SGK3: variants seen among roughly 807,000 people sequenced by gnomAD.
SGK3 encodes the protein serine/threonine-protein kinase Sgk3.
Under a neutral mutation model 68.5 loss-of-function variants are expected in SGK3, and 47 were observed. The ratio of observed to expected loss-of-function variants is 0.69; its 90% confidence interval spans 0.54 to 0.87. The LOEUF (loss-of-function observed/expected upper bound fraction) is 0.87. SGK3 is among the 40% of genes least tolerant of loss of function. The pLI, the probability that SGK3 is intolerant of heterozygous loss-of-function variation, is 0.00. For missense variants in SGK3, 479 were observed against 575.5 expected (o/e 0.83, Z 1.72); for synonymous variants, 181 against 189.1 (o/e 0.96, Z 0.35).
At chr8:66,762,815 A>G (rs1441257594) in intron 1 of SGK3, among the ~76,000 whole-genome samples, 3 of 152,232 alleles carry the variant, frequency 2.0e-5, no homozygotes, top group African/African-American at 4.8e-5. Flanking sequence ...TCTCCCACTA[A>G]AGTTTACTGA....
At chr8:66,835,690 G>A (rs1053855390) in intron 8 of SGK3, 73 bp from the exon 9 acceptor site, 9 of 1,465,008 alleles carry the variant, frequency 6.1e-6, no homozygotes, top group Non-Finnish European at 8.3e-6. Context: ...AAGTATTGAT[G>A]TGTTGACAAG....
intron 1 of SGK3, among the ~76,000 whole-genome samples, chr8:66,752,980 T>G (rs555966475): frequency 3.4e-4 from 51 of 152,064 alleles, no homozygotes; most frequent in African/African-American, 1.2e-3. Flanking sequence ...CCTCCCAGAG[T>G]GTTGGGATTA....
At chr8:66,767,495 A>G (rs1487272165) in intron 1 of SGK3, 1 of 1,505,948 alleles carries the variant, frequency 6.6e-7, no homozygotes, top group Non-Finnish European at 9.2e-7. Context: ...CATGGTGGAG[A>G]GGGCATCTTC....
At chr8:66,784,029 C>A (rs533195797) in intron 1 of SGK3, among the ~76,000 whole-genome samples, 2 of 152,182 alleles carry the variant, frequency 1.3e-5, no homozygotes, top group South Asian at 4.1e-4. Context: ...TCTCAAGTAG[C>A]CAGGACTACA....
chr8:66,742,091 G>A (rs1442758880), intron 1 of SGK3, among the ~76,000 whole-genome samples: 1 of 152,174 alleles, frequency 6.6e-6, no homozygotes, highest in Non-Finnish European at 1.5e-5. Context: ...AAGAGCCCCA[G>A]ATGCTTAAAA....
At chr8:66,811,830 T>G (rs1808393038) in intron 4 of SGK3, among the ~76,000 whole-genome samples, 2 of 152,260 alleles carry the variant, frequency 1.3e-5, no homozygotes, top group South Asian at 2.1e-4. Flanking sequence ...GTTACTAAAT[T>G]CAGTTCTCGA....
At chr8:66,713,451 T>G (rs1438420086) in intron 1 of SGK3, among the ~76,000 whole-genome samples, 3 of 152,208 alleles carry the variant, frequency 2.0e-5, no homozygotes, top group Non-Finnish European at 4.4e-5. Flanking sequence ...CTTAAAACGC[T>G]TTCATTGAGT....
chr8:66,725,834 A>G (rs11776708), intron 1 of SGK3, among the ~76,000 whole-genome samples: 9,517 of 152,164 alleles, frequency 0.063, 366 homozygotes, highest in Middle Eastern at 0.12. Context: ...TGGAAGAACC[A>G]TTTAATTGAA....
intron 1 of SGK3, among the ~76,000 whole-genome samples, chr8:66,759,135 G>T (rs2130454654): frequency 1.4e-5 from 2 of 146,216 alleles, no homozygotes; most frequent in South Asian, 4.3e-4. Flanking sequence ...TCCCAGGCTG[G>T]AGTGCAGTAG....
intron 4 of SGK3, among the ~76,000 whole-genome samples, chr8:66,810,937 G>A (rs1056097716): frequency 1.8e-4 from 28 of 152,052 alleles, no homozygotes; most frequent in African/African-American, 6.0e-4. Flanking sequence ...AATGATCTCT[G>A]CCTGTACTTT....
At chr8:66,789,939 A>G (rs550480003) in intron 1 of SGK3, among the ~76,000 whole-genome samples, 2 of 152,196 alleles carry the variant, frequency 1.3e-5, no homozygotes, top group Non-Finnish European at 2.9e-5. Flanking sequence ...TTAGCCAGGC[A>G]TGGTAGCACA....
At chr8:66,842,491 A>G (rs1226931774) in intron 13 of SGK3, among the ~76,000 whole-genome samples, 1 of 151,986 alleles carries the variant, frequency 6.6e-6, no homozygotes, top group African/African-American at 2.4e-5. Flanking sequence ...ATATTTTGCC[A>G]TTTCTTTAGA....
At position 66,726,801 on chromosome 8, in the gene SGK3, T is replaced by TAAAAAAAAAAAAAAAAAAAAAAAAAA. The variant is rs560794837; in HGVS notation, c.-122+13990_-122+13991insAAAAAAAAAAAAAAAAAAAAAAAAAA. 1.3e-3 allele frequency among the ~76,000 whole-genome samples: 107 copies of TAAAAAAAAAAAAAAAAAAAAAAAAAA among 80,908 alleles called. 1 individual carries two copies. The highest frequency in any genetic ancestry group is 6.3e-3 in the Middle Eastern group (1 of 158). 53.1% of individuals were successfully genotyped at this position (80,908 alleles called of 152,430 possible). A position where few individuals can be genotyped will look rare whatever the true frequency, so the allele number is the denominator to read the frequency against. ...GAATGACAGAGCAAGACCCTGTCTG[T>TAAAAAAAAAAAAAAAAAAAAAAAAAA]AAAAAAAAAAAAAAAAAAAAAAGAT... On this transcript the variant is annotated intron_variant, in intron 1 of 16. Coordinates refer to ENST00000521198, the MANE Select transcript of SGK3 (RefSeq NM_001033578.3).
intron 8 of SGK3, 106 bp downstream of exon 8, chr8:66,831,417 G>T: frequency 7.3e-7 from 1 of 1,369,136 alleles, no homozygotes; most frequent in Non-Finnish European, 1.0e-6. Flanking sequence ...TGCAGTCATA[G>T]CACACTTGAA....
At chr8:66,789,675 A>T (rs533434273) in intron 1 of SGK3, among the ~76,000 whole-genome samples, 1 of 152,222 alleles carries the variant, frequency 6.6e-6, no homozygotes, top group South Asian at 2.1e-4. Flanking sequence ...GCTTGGGAGG[A>T]TTATATATTC....
chr8:66,755,234 G>A (rs940235089), intron 1 of SGK3, among the ~76,000 whole-genome samples: 8 of 151,204 alleles, frequency 5.3e-5, no homozygotes, highest in Middle Eastern at 3.4e-3. Context: ...ACTCCAGTCC[G>A]GGGGACAGAG....
At chr8:66,817,466 C>T (rs1364879067) in intron 5 of SGK3, among the ~76,000 whole-genome samples, 1 of 151,658 alleles carries the variant, frequency 6.6e-6, no homozygotes, top group African/African-American at 2.4e-5. Flanking sequence ...GTTTCACCTG[C>T]CTCAGCCTCC....
At chr8:66,743,447 G>A (rs1805538852) in intron 1 of SGK3, among the ~76,000 whole-genome samples, 1 of 152,186 alleles carries the variant, frequency 6.6e-6, no homozygotes, top group Non-Finnish European at 1.5e-5. Context: ...TCTCACTCAG[G>A]CTGTAAATAT....
chr8:66,720,890 G>A (rs1286402110), intron 1 of SGK3, among the ~76,000 whole-genome samples: 1 of 152,124 alleles, frequency 6.6e-6, no homozygotes, highest in Non-Finnish European at 1.5e-5. Context: ...AGGTTTCAGT[G>A]AGCTGGGATC....
Sources: allele counts gnomAD v4.1 joint callset (sites outside exome capture counted in the v4.1 genomes callset), GRCh38; gene constraint gnomAD v4.1.1; transcripts MANE v1.5; gene names NCBI Gene and HGNC (gene_info 2026-07-23, HGNC 2026-07-21).